The following ANAPC1 variants were observed in gnomAD, a reference collection of about 807,000 sequenced individuals.
ANAPC1 encodes the protein anaphase-promoting complex subunit 1.
ANAPC1 carries 36 observed loss-of-function variants against 208.0 expected under a neutral mutation model. That is an observed-to-expected ratio of 0.17 (90% CI 0.13 to 0.23). The LOEUF is 0.23. Ranked by LOEUF, ANAPC1 falls within the 10% of genes least tolerant of loss-of-function variation. The pLI is 1.00. For synonymous variants in ANAPC1, 378 were observed against 695.2 expected, an observed-to-expected ratio of 0.54 and a Z score of 7.18; for missense variants, 942 against 2,011.6, an observed-to-expected ratio of 0.47 and a Z score of 10.17.
rs769268424 is a variant in ANAPC1, at chr2:111,863,881, A to T, written c.846T>A (p.Val282=). The change falls in exon 9 of 48, where the codon GTT becomes GTA. Residue 282 remains valine (V), a synonymous_variant. Coordinates refer to ENST00000341068, the MANE Select transcript of ANAPC1 (RefSeq NM_022662.4). ...RRVKSEEENV[V]LKFSEQGGTP... ...TTCCCCCCTGTTCAGAGAACTTTAA[A>T]ACAACATTCTCTTCCTTAAGTCAAA... is the stretch of plus-strand genomic sequence containing the variant. 1.2e-6 allele frequency: 2 copies of T among 1,607,402 alleles called. No individual in the cohort carries two copies. The highest frequency in any genetic ancestry group is 1.7e-6 in the Non-Finnish European group (2 of 1,177,912).
At position 111,878,891 on chromosome 2, in the gene ANAPC1, A is replaced by G. The variant is rs981930112; in HGVS notation, c.294T>C (p.Asn98=). 1.5e-5 allele frequency: 24 copies of G among 1,606,558 alleles called. No homozygotes were observed. The African/African-American group carries it at 3.1e-4, about 21-fold the overall frequency. The stretch of plus-strand genomic sequence containing the variant: ...TACTTCCTTTGCTCCATATCACCAT[A>G]TTTCCAGCAACATAGAGTTCCTCAT... ...DYDEELYVAG[N]MVIWSKGSKS... The change falls in exon 3 of 48, where the codon AAT becomes AAC. Residue 98 remains asparagine, a synonymous_variant. Transcript: ENST00000341068.
rs537608338 is a variant in ANAPC1, at chr2:111,880,688, A to G, written c.138T>C (p.Ser46=). The G allele has an allele frequency of 3.1e-6, 5 of 1,613,716 alleles. No homozygotes were observed. The South Asian group carries it at 5.5e-5, about 18-fold the overall frequency. The change falls in exon 2 of 48, where the codon TCT becomes TCC. Residue 46 remains serine (S), a synonymous_variant. Transcript: ENST00000341068. ...NLQLRQLQPA[S]ELWSSDGAAG... ...CAGCACCATCAGAAGACCATAATTCAGAAGCTGGCTGCAGCTGGCGAAGTT... is the reference window on the plus strand; with the variant it reads ...CAGCACCATCAGAAGACCATAATTCGGAAGCTGGCTGCAGCTGGCGAAGTT...
At chr2:111,862,749 G>A (rs1226096924) in intron 9 of ANAPC1, 151 bp from the exon 10 acceptor site, 17 of 856,002 alleles carry the variant, frequency 2.0e-5, no homozygotes, top group Non-Finnish European at 2.6e-5. Flanking sequence ...AAAAGGAGTA[G>A]CTATTTAAAT....
intron 6 of ANAPC1, among the ~76,000 whole-genome samples, chr2:111,869,401 G>A (rs1455149512): frequency 5.3e-5 from 8 of 151,974 alleles, no homozygotes; most frequent in African/African-American, 1.7e-4. Flanking sequence ...CTGCCACCAC[G>A]CTTGGCTAAT....
chr2:111,782,091 G>A (rs868745579), intron 43 of ANAPC1, among the ~76,000 whole-genome samples: 5,481 of 149,202 alleles, frequency 0.037, 31 homozygotes, highest in African/African-American at 0.1. Context: ...TTGTTACAGT[G>A]TCAAGATATG....
chr2:111,825,889 T>C (rs893988736), intron 21 of ANAPC1, 34 bp from the exon 22 acceptor site: 1 of 1,595,480 alleles, frequency 6.3e-7, no homozygotes, highest in African/African-American at 1.3e-5. Context: ...TATTTTTCTC[T>C]TTTCAGAGAC....
At chr2:111,844,037 T>G (rs890339601) in intron 16 of ANAPC1, among the ~76,000 whole-genome samples, 2 of 151,982 alleles carry the variant, frequency 1.3e-5, no homozygotes, top group African/African-American at 4.8e-5. Flanking sequence ...TTGGCCAGGC[T>G]AGTCTCAAAC....
At position 111,778,775 on chromosome 2, in the gene ANAPC1, A is replaced by C. The variant is rs753028249; in HGVS notation, c.5290-5T>G. ...GAGATCCAGAATTTCCTGTTTCTGC[A>C]GAAAATCAGAAGTTTTGTAGCACAA... On this transcript the variant is annotated splice_region_variant and splice_polypyrimidine_tract_variant and intron_variant, in intron 44 of 47. Transcript: ENST00000341068. 1.2e-6 allele frequency: 2 copies of C among 1,607,322 alleles called. No individual in the cohort carries two copies. The highest frequency in any genetic ancestry group is 2.7e-5 in the African/African-American group (2 of 74,680).
chr2:111,775,243 C>T (rs564685945), intron 46 of ANAPC1, among the ~76,000 whole-genome samples: 452 of 152,210 alleles, frequency 3.0e-3, no homozygotes, highest in African/African-American at 0.01. Flanking sequence ...TCCACCCTGG[C>T]GACAGAGCGA....
chr2:111,856,711 T>A (rs190612131), intron 12 of ANAPC1, 32 bp from the exon 13 acceptor site: 3 of 1,613,594 alleles, frequency 1.9e-6, no homozygotes, highest in South Asian at 2.2e-5. Flanking sequence ...AAAATTTATT[T>A]CCCAATCTGA....
intron 39 of ANAPC1, among the ~76,000 whole-genome samples, chr2:111,787,149 GAA>G (rs1363373346): frequency 3.4e-5 from 4 of 118,866 alleles, no homozygotes; most frequent in Non-Finnish European, 3.6e-5. Context: ...ACTCTATCTC[GAA>G]AAAAAAAAAA....
chr2:111,785,920 G>A (rs1484152443), intron 39 of ANAPC1, among the ~76,000 whole-genome samples: 1 of 151,712 alleles, frequency 6.6e-6, no homozygotes. Context: ...AGACAGCAAA[G>A]TTCTTCTACA....
At position 111,834,762 on chromosome 2, in the gene ANAPC1, A is replaced by C. The variant is rs1680373290; in HGVS notation, c.2226T>G (p.Asp742Glu). ...PSEASQMKDE[D>E]FSQNLSLDSS... Reference sequence around the variant, plus strand: ...AATCCAGACTGAGATTCTGTGAAAAATCCTCATCCTTCATCTGTGAAGCTT... The same window carrying C: ...AATCCAGACTGAGATTCTGTGAAAACTCCTCATCCTTCATCTGTGAAGCTT... Residue 742 changes from aspartate (D) to glutamate (E), a missense_variant, in exon 19 of 48, where the codon GAT becomes GAG. Asp to Glu is a conservative substitution (Grantham distance 45, BLOSUM62 2). Coordinates refer to ENST00000341068, the MANE Select transcript of ANAPC1 (RefSeq NM_022662.4). The C allele has an allele frequency of 3.1e-6, 5 of 1,613,468 alleles. No individual in the cohort carries two copies. The highest frequency in any genetic ancestry group is 4.2e-6 in the Non-Finnish European group (5 of 1,179,734).
At chr2:111,856,404 A>G in intron 13 of ANAPC1, 1 of 561,054 alleles carries the variant, frequency 1.8e-6, no homozygotes, top group South Asian at 2.3e-5. Flanking sequence ...TTAGAGTACC[A>G]ATGCATTTAA....
At chr2:111,881,981 G>A (rs558919461) in intron 1 of ANAPC1, among the ~76,000 whole-genome samples, 23 of 151,980 alleles carry the variant, frequency 1.5e-4, no homozygotes, top group Non-Finnish European at 3.1e-4. Flanking sequence ...TCAGGAGATC[G>A]AGACCATCCT....
intron 19 of ANAPC1, among the ~76,000 whole-genome samples, chr2:111,833,535 A>C (rs947296517): frequency 1.3e-5 from 2 of 152,076 alleles, no homozygotes; most frequent in African/African-American, 4.8e-5. Flanking sequence ...CTACAGTAAA[A>C]GCACCGTGAT....
intron 10 of ANAPC1, among the ~76,000 whole-genome samples, chr2:111,861,021 C>T (rs1488026380): frequency 6.6e-6 from 1 of 152,234 alleles, no homozygotes; most frequent in Non-Finnish European, 1.5e-5. Flanking sequence ...AAAGTGCCTT[C>T]TTACCGCTGT....
intron 37 of ANAPC1, among the ~76,000 whole-genome samples, chr2:111,793,453 G>A (rs1169737671): frequency 1.3e-5 from 2 of 151,986 alleles, no homozygotes; most frequent in African/African-American, 4.8e-5. Flanking sequence ...TCAACCTCCT[G>A]GGCTCAAATG....
At chr2:111,791,242 T>C (rs904239439) in intron 38 of ANAPC1, among the ~76,000 whole-genome samples, 5 of 149,122 alleles carry the variant, frequency 3.4e-5, no homozygotes, top group African/African-American at 1.2e-4. Flanking sequence ...TACCTACTAG[T>C]TGGCTAAAAC....
Sources: gnomAD v4.1 joint callset for allele counts (sites outside exome capture counted in the v4.1 genomes callset) on GRCh38, gnomAD v4.1.1 for gene constraint, MANE v1.5 for transcripts, NCBI Gene and HGNC (gene_info 2026-07-23, HGNC 2026-07-21) for gene names.